Variants in HMGCLL1 observed in about 807,000 individuals in gnomAD.
The protein encoded by HMGCLL1 is 3-hydroxymethyl-3-methylglutaryl-CoA lyase, cytoplasmic.
HMGCLL1 carries 36 observed loss-of-function variants against 39.1 expected under a neutral mutation model. The observed-to-expected ratio is 0.92, with a 90% CI of 0.71 to 1.22. HMGCLL1 has a LOEUF of 1.22. Ranked by LOEUF, HMGCLL1 falls within the 50% of genes most tolerant of loss-of-function variation. The probability of loss-of-function intolerance (pLI) is 0.00; values close to 1 mark genes in which losing one functional copy is unlikely to be tolerated. For missense variants in HMGCLL1, 451 were observed against 416.5 expected, an observed-to-expected ratio of 1.08 and a Z score of -0.72; for synonymous variants, 149 against 144.0, an observed-to-expected ratio of 1.03 and a Z score of -0.25.
intron 3 of HMGCLL1, among the ~76,000 whole-genome samples, chr6:55,518,595 G>A (rs76624210): frequency 0.014 from 2,188 of 152,204 alleles, 56 homozygotes; most frequent in African/African-American, 0.05. Flanking sequence ...CTTCCATATG[G>A]CTTTCTCTTT....
chr6:55,530,310 A>T (rs1768589395), intron 3 of HMGCLL1, among the ~76,000 whole-genome samples: 1 of 152,074 alleles, frequency 6.6e-6, no homozygotes, highest in Non-Finnish European at 1.5e-5. Context: ...CTTAATTATA[A>T]CCTATAAGTT....
At chr6:55,585,805 A>G in the HMGCLL1 span, among the ~76,000 whole-genome samples, 2 of 152,080 alleles carry the variant, frequency 1.3e-5, no homozygotes, top group Admixed American at 6.6e-5. Context: ...TTAATACTCA[A>G]TAGCTAATGG....
In HMGCLL1 at chr6:55,516,551, C is replaced by A. The variant is rs199698637; in HGVS notation, c.350G>T (p.Arg117Leu). 87 of 1,601,478 alleles carry A rather than the reference C, an allele frequency of 5.4e-5. No individual in the cohort carries two copies. Among genetic ancestry groups the A allele is most frequent in the Non-Finnish European group, 7.3e-5 (85 of 1,171,740 alleles). Residue 117 changes from arginine (R) to leucine (L), a missense_variant, in exon 4 of 9, where the codon CGC becomes CTC. Physicochemically the swap from Arg to Leu is moderately radical, Grantham distance 102. Coordinates refer to ENST00000274901, the MANE Select transcript of HMGCLL1 (RefSeq NM_001042406.2). Reference sequence around the variant, plus strand: ...AAGATTAGGAGTAAGGACAGGATAGCGAACTCCTGGATATTGATGAATGCC... The same window carrying A: ...AAGATTAGGAGTAAGGACAGGATAGAGAACTCCTGGATATTGATGAATGCC... ...MKGIHQYPGV[R>L]YPVLTPNLQG... is the part of the protein sequence containing the mutation.
At chr6:55,504,821 A>G (rs1166724428) in intron 5 of HMGCLL1, among the ~76,000 whole-genome samples, 3 of 151,664 alleles carry the variant, frequency 2.0e-5, no homozygotes, top group African/African-American at 4.8e-5. Flanking sequence ...TACCTTCTGA[A>G]TACTTGTCTA....
the HMGCLL1 span, among the ~76,000 whole-genome samples, chr6:55,671,909 G>T: frequency 6.6e-6 from 1 of 151,620 alleles, no homozygotes; most frequent in African/African-American, 2.4e-5. Flanking sequence ...GGTTGAAAAA[G>T]ATATAATACA....
chr6:55,501,060 T>C (rs867779429), intron 5 of HMGCLL1, among the ~76,000 whole-genome samples: 2 of 151,852 alleles, frequency 1.3e-5, no homozygotes, highest in African/African-American at 4.8e-5. Context: ...TTTTTATTTA[T>C]TCACACTTTC....
chr6:55,640,715 TATATC>T, the HMGCLL1 span, among the ~76,000 whole-genome samples: 1 of 151,578 alleles, frequency 6.6e-6, no homozygotes, highest in East Asian at 1.9e-4. Context: ...TTATTTGTAT[TATATC>T]ATATATATTT....
the HMGCLL1 span, among the ~76,000 whole-genome samples, chr6:55,673,837 G>T: frequency 4.0e-5 from 6 of 151,832 alleles, no homozygotes; most frequent in African/African-American, 1.4e-4. Flanking sequence ...GGTCCATTTT[G>T]TTTTGACCCT....
the HMGCLL1 span, among the ~76,000 whole-genome samples, chr6:55,662,921 G>C: frequency 4.1e-4 from 62 of 151,658 alleles, no homozygotes; most frequent in South Asian, 1.0e-3. Context: ...TCTTGGGAAG[G>C]GGTATGTGTC....
chr6:55,550,320 T>C (rs1770259040), intron 1 of HMGCLL1, among the ~76,000 whole-genome samples: 1 of 151,940 alleles, frequency 6.6e-6, no homozygotes, highest in Admixed American at 6.6e-5. Flanking sequence ...GGCATTTCAC[T>C]GGGCCCCTTT....
chr6:55,561,316 A>G (rs1770934589), intron 1 of HMGCLL1, among the ~76,000 whole-genome samples: 1 of 152,170 alleles, frequency 6.6e-6, no homozygotes. Context: ...TCCTTATCTA[A>G]AAGAAGGAAA....
At chr6:55,530,593 G>T (rs967734384) in intron 3 of HMGCLL1, among the ~76,000 whole-genome samples, 1 of 151,958 alleles carries the variant, frequency 6.6e-6, no homozygotes, top group Non-Finnish European at 1.5e-5. Flanking sequence ...AATAAAAAAC[G>T]TATATTCTTT....
At chr6:55,595,390 T>A in the HMGCLL1 span, among the ~76,000 whole-genome samples, 86 of 152,318 alleles carry the variant, frequency 5.6e-4, no homozygotes, top group African/African-American at 2.0e-3. Context: ...ATATGTCCAC[T>A]CCAAGAAGAA....
chr6:55,486,398 G>A (rs1009053134), intron 7 of HMGCLL1, among the ~76,000 whole-genome samples: 1 of 151,936 alleles, frequency 6.6e-6, no homozygotes, highest in Non-Finnish European at 1.5e-5. Flanking sequence ...TGCCCAAGAG[G>A]CTGAGATACA....
the HMGCLL1 span, among the ~76,000 whole-genome samples, chr6:55,625,293 G>A: frequency 2.5e-4 from 38 of 152,090 alleles, no homozygotes; most frequent in Non-Finnish European, 4.1e-4. Flanking sequence ...AGTGGGTTGT[G>A]CACAGCAGCA....
At position 55,454,650 on chromosome 6, in the gene HMGCLL1, T is replaced by C. The variant is rs751523684; in HGVS notation, c.796-15091A>G. On this transcript the variant is annotated intron_variant, in intron 7 of 8. Transcript: ENST00000274901. ...CAAGGACAGAGCTGAATGGGCCGAA[T>C]AGTCATATCTCCAGGGAAACAAGGG... Among the ~76,000 whole-genome samples, 4 of 152,280 alleles carry C rather than the reference T, an allele frequency of 2.6e-5. No homozygotes were observed. The South Asian group carries it at 8.3e-4, about 32-fold the overall frequency.
At chr6:55,565,407 C>T (rs2127472930) in intron 1 of HMGCLL1, among the ~76,000 whole-genome samples, 1 of 152,102 alleles carries the variant, frequency 6.6e-6, no homozygotes, top group Non-Finnish European at 1.5e-5. Flanking sequence ...TTCCAGATTC[C>T]TATTAATAAT....
chr6:55,509,765 G>A (rs947314713), intron 5 of HMGCLL1, among the ~76,000 whole-genome samples: 14 of 151,910 alleles, frequency 9.2e-5, no homozygotes, highest in South Asian at 8.3e-4. Flanking sequence ...AATTCTTCAC[G>A]ATTGTATGTA....
chr6:55,493,355 G>T (rs1206788879), intron 7 of HMGCLL1, among the ~76,000 whole-genome samples: 2 of 152,126 alleles, frequency 1.3e-5, no homozygotes, highest in Non-Finnish European at 2.9e-5. Context: ...TTGACTGGGG[G>T]TGTGGTCTTT....
Sources: gnomAD v4.1 joint callset for allele counts (sites outside exome capture counted in the v4.1 genomes callset) on GRCh38, gnomAD v4.1.1 for gene constraint, MANE v1.5 for transcripts, NCBI Gene and HGNC (gene_info 2026-07-23, HGNC 2026-07-21) for gene names.